Variants in CDC42BPB observed in about 807,000 individuals in gnomAD.
CDC42BPB encodes serine/threonine-protein kinase MRCK beta.
Under a neutral mutation model 214.9 loss-of-function variants are expected in CDC42BPB, and 37 were observed. The ratio of observed to expected loss-of-function variants is 0.17; its 90% CI spans 0.13 to 0.23. The LOEUF (loss-of-function observed/expected upper bound fraction) is 0.23, where lower values mean the gene tolerates loss of function less well. CDC42BPB is among the 10% of genes least tolerant of loss of function. The probability of loss-of-function intolerance (pLI) is 1.00; values close to 1 mark genes in which losing one functional copy is unlikely to be tolerated. For synonymous variants in CDC42BPB, 931 were observed against 884.0 expected, an observed-to-expected ratio of 1.05 and a Z score of -0.94; for missense variants, 1,694 against 2,227.0, an observed-to-expected ratio of 0.76 and a Z score of 4.82.
chr14:102,989,813 C>A (rs374770118), intron 5 of CDC42BPB, among the ~76,000 whole-genome samples: 1 of 150,690 alleles, frequency 6.6e-6, no homozygotes, highest in Non-Finnish European at 1.5e-5. Context: ...GAGCCGAGAT[C>A]GCACCACTGC....
chr14:102,986,797 A>G, intron 5 of CDC42BPB: 1 of 911,918 alleles, frequency 1.1e-6, no homozygotes, highest in Non-Finnish European at 1.3e-6. Flanking sequence ...TACCCTGGCG[A>G]GGCCCTGTGA....
intron 16 of CDC42BPB, among the ~76,000 whole-genome samples, chr14:102,967,781 C>A (rs554194061): frequency 6.6e-6 from 1 of 152,324 alleles, no homozygotes; most frequent in East Asian, 1.9e-4. Context: ...CGTTATATGG[C>A]ACATTACTGC....
intron 5 of CDC42BPB, among the ~76,000 whole-genome samples, chr14:102,995,108 T>C (rs747617708): frequency 5.9e-5 from 9 of 152,144 alleles, no homozygotes; most frequent in Non-Finnish European, 8.8e-5. Context: ...AAATTTGTAC[T>C]CTGTTCTTAT....
intron 1 of CDC42BPB, among the ~76,000 whole-genome samples, chr14:103,013,795 C>G (rs1340864456): frequency 6.6e-6 from 1 of 152,210 alleles, no homozygotes; most frequent in Non-Finnish European, 1.5e-5. Context: ...CTCTGGACTT[C>G]TGGCCTCCAG....
chr14:103,045,984 CA>C (rs1888261888), intron 1 of CDC42BPB, among the ~76,000 whole-genome samples: 1 of 152,110 alleles, frequency 6.6e-6, no homozygotes, highest in African/African-American at 2.4e-5. Context: ...TGGGAAAAAG[CA>C]AATGGACGAG....
At position 102,940,081 on chromosome 14, in the gene CDC42BPB, G is replaced by A; in HGVS notation, c.4556C>T (p.Pro1519Leu). ...GCTCTTGAAGTAGATCAAGCGTGGA[G>A]GCTCGCAGTTGAGGAGGTTGAGGGT... The part of the protein sequence containing the change: ...EGTLNLLNCE[P>L]PRLIYFKSKF... The change falls in exon 32 of 37, where the codon CCT becomes CTT. Residue 1519 changes from proline to leucine, a missense_variant. By Grantham distance (98) the Pro-to-Leu change is moderately conservative. This residue lies in a region of CDC42BPB where 567 missense variants were observed against 790.3 expected (regional missense o/e 0.72). Transcript: ENST00000361246. 1 of 1,614,040 alleles carries A rather than the reference G, an allele frequency of 6.2e-7. No individual in the cohort carries two copies. Among genetic ancestry groups the A allele is most frequent in the Non-Finnish European group, 8.5e-7 (1 of 1,180,040 alleles).
At position 102,967,188 on chromosome 14, in the gene CDC42BPB, C is replaced by A; in HGVS notation, c.2347-18G>T. On this transcript the variant is annotated intron_variant, in intron 16 of 36. Transcript: ENST00000361246. ...GAACAGAGCTGAAATGAAACAATTT[C>A]ACCACAGAACTTGTTAATCGGGCAT... The A allele has an allele frequency of 1.2e-6, 2 of 1,601,120 alleles. No individual in the cohort carries two copies. The highest frequency in any genetic ancestry group is 1.7e-6 in the Non-Finnish European group (2 of 1,169,942).
chr14:102,935,548 G>C (rs1891611959), intron 36 of CDC42BPB, among the ~76,000 whole-genome samples: 1 of 152,158 alleles, frequency 6.6e-6, no homozygotes, highest in Non-Finnish European at 1.5e-5. Context: ...CCAGCACTTT[G>C]GGAGGCCAAG....
intron 34 of CDC42BPB, among the ~76,000 whole-genome samples, chr14:102,938,918 C>T (rs953379852): frequency 6.7e-6 from 1 of 150,182 alleles, no homozygotes; most frequent in Non-Finnish European, 1.5e-5. Context: ...CATGAGCCAC[C>T]ACACCCAGCC....
intron 12 of CDC42BPB, among the ~76,000 whole-genome samples, chr14:102,973,587 C>T (rs1007427585): frequency 3.9e-5 from 6 of 151,976 alleles, no homozygotes; most frequent in South Asian, 2.1e-4. Context: ...CGGGACGCAG[C>T]GTGTGTTGCC....
chr14:103,013,679 C>T (rs563695122), intron 1 of CDC42BPB, among the ~76,000 whole-genome samples: 2 of 152,342 alleles, frequency 1.3e-5, no homozygotes, highest in African/African-American at 2.4e-5. Flanking sequence ...GAGGCAGAGG[C>T]GAGAGTGATG....
rs191713905 is a variant in CDC42BPB, at chr14:102,947,098, G to A, written c.3532-414C>T. Among the ~76,000 whole-genome samples, 244 of 152,294 alleles carry A rather than the reference G, an allele frequency of 1.6e-3. 1 individual carries two copies. The highest frequency in any genetic ancestry group is 0.013 in the Admixed American group (198 of 15,298). ...GCACGCATGCTACCAAATGACCATC[G>A]TTCCAGTAACAATGATGGTAATTTC... On this transcript the variant is annotated intron_variant, in intron 27 of 36. Coordinates refer to ENST00000361246, the MANE Select transcript of CDC42BPB (RefSeq NM_006035.4).
At chr14:102,950,401 G>A in intron 25 of CDC42BPB, 65 bp downstream of exon 25, 23 of 1,584,822 alleles carry the variant, frequency 1.5e-5, no homozygotes, top group Non-Finnish European at 2.0e-5. Context: ...GAGTGGCTGG[G>A]CATGGCTATT....
intron 17 of CDC42BPB, chr14:102,966,655 C>T: frequency 6.9e-6 from 2 of 289,698 alleles, no homozygotes; most frequent in Non-Finnish European, 5.2e-6. Context: ...ACCTACTACG[C>T]ACCCACAAAA....
intron 1 of CDC42BPB, among the ~76,000 whole-genome samples, chr14:103,025,951 T>G (rs892039811): frequency 4.0e-5 from 6 of 151,890 alleles, no homozygotes; most frequent in African/African-American, 1.5e-4. Flanking sequence ...CCCAAGATCA[T>G]GCAATGGGGG....
chr14:103,039,292 C>CA (rs202028122), intron 1 of CDC42BPB, among the ~76,000 whole-genome samples: 7,076 of 70,438 alleles, frequency 0.1, 479 homozygotes, highest in African/African-American at 0.21. Context: ...GATACCAAAC[C>CA]AAAAAAAAAA....
chr14:103,004,280 G>T lies in CDC42BPB; in HGVS notation c.352-257C>A. 2 of 887,362 alleles carry T rather than the reference G, an allele frequency of 2.3e-6. No homozygotes were observed. The highest frequency in any genetic ancestry group is 4.2e-4 in the Middle Eastern group (1 of 2,364). 55.0% of individuals were successfully genotyped at this position (887,362 alleles called of 1,614,324 possible). Reference sequence around the variant, plus strand: ...CTGTCCCACGGGCACCATTTCTGTGGCTGACACTTAGATTCACCCCACCCT... The same window carrying T: ...CTGTCCCACGGGCACCATTTCTGTGTCTGACACTTAGATTCACCCCACCCT... On this transcript the variant is annotated intron_variant, in intron 3 of 36. Coordinates refer to ENST00000361246, the MANE Select transcript of CDC42BPB (RefSeq NM_006035.4). The surrounding 1 kb of genome is among the most constrained non-coding windows in gnomAD (Gnocchi z 5.3).
rs566611575 is a variant in CDC42BPB, at chr14:102,982,796, T to C, written c.891+760A>G. Among the ~76,000 whole-genome samples, 11 of 151,082 alleles carry C rather than the reference T, an allele frequency of 7.3e-5. No homozygotes were observed. In the East Asian group the frequency reaches 1.5e-3, roughly 21 times the overall value. On this transcript the variant is annotated intron_variant, in intron 7 of 36. Coordinates refer to ENST00000361246, the MANE Select transcript of CDC42BPB (RefSeq NM_006035.4). ...ATAAAAAGACAGGCAGGAGAATCGC[T>C]TGAACTCGGGAGGCAGAGGTTGCAG...
At position 102,970,299 on chromosome 14, in the gene CDC42BPB, G is replaced by A. The variant is rs181927976; in HGVS notation, c.1885-38C>T. Reference sequence around the variant, plus strand: ...GATCCAGTTTCTATTAACAAAAAGCGAGCCCTGCTTCACCAGTTACAGCAG... The same window carrying A: ...GATCCAGTTTCTATTAACAAAAAGCAAGCCCTGCTTCACCAGTTACAGCAG... On this transcript the variant is annotated intron_variant, in intron 13 of 36. Coordinates refer to ENST00000361246, the MANE Select transcript of CDC42BPB (RefSeq NM_006035.4). The A allele has an allele frequency of 1.8e-5, 29 of 1,577,782 alleles. No homozygotes were observed. In the Admixed American group the frequency reaches 4.1e-4, roughly 22 times the overall value.
Sources: allele counts gnomAD v4.1 joint callset (sites outside exome capture counted in the v4.1 genomes callset), GRCh38; gene constraint gnomAD v4.1.1; regional missense constraint gnomAD v4.1.1; non-coding constraint Gnocchi (gnomAD v3.1); transcripts MANE v1.5; gene names NCBI Gene and HGNC (gene_info 2026-07-23, HGNC 2026-07-21).